The following MACROD2 variants were observed in gnomAD, a reference collection of about 807,000 sequenced individuals.
The protein encoded by MACROD2 is ADP-ribose glycohydrolase MACROD2.
A neutral mutation model predicts 70.4 loss-of-function variants in MACROD2; 36 were observed. The ratio of observed to expected loss-of-function variants is 0.51; its 90% confidence interval spans 0.39 to 0.68. MACROD2 has a LOEUF of 0.68. MACROD2 is among the 30% of genes least tolerant of loss of function. MACROD2 has a pLI of 0.00. For synonymous variants in MACROD2, 172 were observed against 178.8 expected (o/e 0.96, Z 0.30); for missense variants, 496 against 538.4 (o/e 0.92, Z 0.78).
At chr20:14,985,183 G>T (rs1382170203) in intron 5 of MACROD2, among the ~76,000 whole-genome samples, 1 of 152,138 alleles carries the variant, frequency 6.6e-6, no homozygotes, top group Non-Finnish European at 1.5e-5. Flanking sequence ...CACTTGTCTG[G>T]CATTAGCTAA....
intron 7 of MACROD2, among the ~76,000 whole-genome samples, chr20:15,470,320 A>T (rs567612098): frequency 6.6e-6 from 1 of 152,270 alleles, no homozygotes; most frequent in Admixed American, 6.5e-5. Context: ...AAGTGCTGGG[A>T]TTATAGGCAT....
chr20:15,077,203 GTTTGTT>G (rs1313744428), intron 5 of MACROD2, among the ~76,000 whole-genome samples: 1 of 151,856 alleles, frequency 6.6e-6, no homozygotes, highest in Non-Finnish European at 1.5e-5. Context: ...TTTTTTGTTT[GTTTGTT>G]TTTAATTCAC....
At chr20:14,903,789 G>A (rs2073926228) in intron 5 of MACROD2, among the ~76,000 whole-genome samples, 1 of 152,256 alleles carries the variant, frequency 6.6e-6, no homozygotes, top group African/African-American at 2.4e-5. Flanking sequence ...TGGTCATTTA[G>A]GAATACAGGC....
rs1437996220 is a variant in MACROD2 at position 14,355,062 on chromosome 20, TC to T, written c.272-138416del. On this transcript the variant is annotated intron_variant, in intron 3 of 17. Coordinates refer to ENST00000684519, the MANE Select transcript of MACROD2 (RefSeq NM_001351661.2). ...GATGGGCACCTAGGTTGATTCCATG[TC>T]TTTCTATTGTGAACAGTGTTGCAGA... 5.8e-4 allele frequency among the ~76,000 whole-genome samples: 89 copies of T among 152,358 alleles called. 1 individual carries two copies. Among genetic ancestry groups the T allele is most frequent in the Admixed American group, 5.8e-3 (88 of 15,300 alleles).
At chr20:15,680,042 A>C (rs2146856153) in intron 8 of MACROD2, among the ~76,000 whole-genome samples, 1 of 152,294 alleles carries the variant, frequency 6.6e-6, no homozygotes, top group Non-Finnish European at 1.5e-5. Flanking sequence ...CCCTGAAGTC[A>C]TGGATGCACC....
At chr20:14,336,066 A>G (rs1299898389) in intron 3 of MACROD2, among the ~76,000 whole-genome samples, 2 of 152,170 alleles carry the variant, frequency 1.3e-5, no homozygotes, top group East Asian at 1.9e-4. Context: ...TGGGTCAGGT[A>G]TAAGTGATTC....
chr20:15,870,528 C>T (rs886769213), intron 9 of MACROD2, among the ~76,000 whole-genome samples: 22 of 152,210 alleles, frequency 1.4e-4, no homozygotes, highest in African/African-American at 3.9e-4. Context: ...TAGGCCATGA[C>T]GGCTCTAGCC....
At chr20:15,235,254 T>C (rs912698190) in intron 6 of MACROD2, among the ~76,000 whole-genome samples, 8 of 152,200 alleles carry the variant, frequency 5.3e-5, no homozygotes, top group Non-Finnish European at 1.2e-4. Context: ...TAAATACTAA[T>C]TGACATAGGA....
rs188764684 is a variant in MACROD2 at position 14,686,101 on chromosome 20, G to A, written c.418+1142G>A. 2.2e-3 allele frequency among the ~76,000 whole-genome samples: 328 copies of A among 152,236 alleles called. 3 individuals are homozygous for A. Among genetic ancestry groups the A allele is most frequent in the Middle Eastern group, 0.01 (3 of 294 alleles). ...ATGGTTTCAGTGAAAGTACTTTCAT[G>A]TACTGCATAGCGATGCTTTGGTCAA... On this transcript the variant is annotated intron_variant, in intron 5 of 17. Coordinates refer to ENST00000684519, the MANE Select transcript of MACROD2 (RefSeq NM_001351661.2).
At chr20:15,904,992 C>T (rs1042004556) in intron 10 of MACROD2, among the ~76,000 whole-genome samples, 29 of 151,830 alleles carry the variant, frequency 1.9e-4, no homozygotes, top group Admixed American at 1.8e-3. Flanking sequence ...AACTAGGAAT[C>T]AGATCCCTGA....
intron 6 of MACROD2, among the ~76,000 whole-genome samples, chr20:15,386,017 G>A (rs1011170170): frequency 3.9e-5 from 6 of 152,094 alleles, no homozygotes; most frequent in East Asian, 3.9e-4. Flanking sequence ...AAAGCTGCTC[G>A]GTTTCAGTCT....
At chr20:14,531,052 C>T (rs1223097906) in intron 4 of MACROD2, among the ~76,000 whole-genome samples, 2 of 152,100 alleles carry the variant, frequency 1.3e-5, no homozygotes, top group Non-Finnish European at 2.9e-5. Flanking sequence ...AATTATATGA[C>T]AATCTCTGGA....
intron 4 of MACROD2, among the ~76,000 whole-genome samples, chr20:14,558,516 C>T (rs1274170596): frequency 1.3e-5 from 2 of 151,522 alleles, no homozygotes; most frequent in Non-Finnish European, 1.5e-5. Context: ...ACCATGTAAA[C>T]ATGAATTTAA....
chr20:14,854,010 G>A (rs963448455), intron 5 of MACROD2, among the ~76,000 whole-genome samples: 4 of 152,018 alleles, frequency 2.6e-5, no homozygotes, highest in African/African-American at 9.7e-5. Context: ...CATTTGGCTG[G>A]AATCCTGGGG....
intron 5 of MACROD2, among the ~76,000 whole-genome samples, chr20:15,064,751 C>G (rs1327768862): frequency 6.6e-6 from 1 of 152,188 alleles, no homozygotes; most frequent in African/African-American, 2.4e-5. Flanking sequence ...TCACAAGATC[C>G]CAAGCCTTAT....
At chr20:15,570,417 C>T (rs1442021272) in intron 8 of MACROD2, among the ~76,000 whole-genome samples, 1 of 152,130 alleles carries the variant, frequency 6.6e-6, no homozygotes, top group African/African-American at 2.4e-5. Context: ...GGGGATCAGT[C>T]TTGATGGGGG....
chr20:16,020,895 T>C (rs886702985), intron 15 of MACROD2, among the ~76,000 whole-genome samples: 4 of 152,262 alleles, frequency 2.6e-5, no homozygotes, highest in Admixed American at 6.5e-5. Context: ...AATTTACATA[T>C]GTAATTTACC....
intron 3 of MACROD2, among the ~76,000 whole-genome samples, chr20:14,110,958 C>G (rs1292968941): frequency 6.6e-6 from 1 of 151,930 alleles, no homozygotes; most frequent in African/African-American, 2.4e-5. Flanking sequence ...GGAAGAATCA[C>G]TTTACCTGAC....
chr20:15,895,353 T>G (rs2147229606), intron 10 of MACROD2, among the ~76,000 whole-genome samples: 1 of 152,350 alleles, frequency 6.6e-6, no homozygotes, highest in African/African-American at 2.4e-5. Context: ...ACATTCTGTC[T>G]GTGGTGAAAT....
Sources: allele counts gnomAD v4.1 joint callset (sites outside exome capture counted in the v4.1 genomes callset), GRCh38; gene constraint gnomAD v4.1.1; transcripts MANE v1.5; gene names NCBI Gene and HGNC (gene_info 2026-07-23, HGNC 2026-07-21).